The following GMDS variants were observed in gnomAD, a reference collection of about 807,000 sequenced individuals.
GMDS encodes GDP-mannose 4,6 dehydratase.
In GMDS, 20 loss-of-function variants were observed where a neutral mutation model predicts 49.9. The ratio of observed to expected loss-of-function variants is 0.40; its 90% CI spans 0.28 to 0.58. The LOEUF (loss-of-function observed/expected upper bound fraction) is 0.58. GMDS is among the 20% of genes least tolerant of loss of function. The pLI, the probability that GMDS is intolerant of heterozygous loss-of-function variation, is 0.42. For synonymous variants in GMDS, 177 were observed against 178.6 expected (o/e 0.99, Z 0.07); for missense variants, 362 against 481.4 (o/e 0.75, Z 2.32).
intron 3 of GMDS, 117 bp downstream of exon 3, chr6:2,117,348 GGTAA>G: frequency 4.4e-6 from 3 of 687,342 alleles, no homozygotes; most frequent in South Asian, 1.7e-5. Flanking sequence ...GTAATTCATG[GGTAA>G]GTAATTGTGA....
intron 6 of GMDS, among the ~76,000 whole-genome samples, chr6:1,932,712 T>C (rs1021966031): frequency 6.6e-6 from 1 of 152,006 alleles, no homozygotes; most frequent in Non-Finnish European, 1.5e-5. Context: ...TAATTTTTTG[T>C]ATTTTTTAGT....
At chr6:1,975,823 A>G (rs1177374373) in intron 4 of GMDS, among the ~76,000 whole-genome samples, 1 of 152,204 alleles carries the variant, frequency 6.6e-6, no homozygotes, top group African/African-American at 2.4e-5. Context: ...TCCTAAAGAC[A>G]CCAGGCTTTG....
chr6:1,932,599 G>A (rs1448692991), intron 6 of GMDS, among the ~76,000 whole-genome samples: 3 of 148,462 alleles, frequency 2.0e-5, no homozygotes, highest in South Asian at 2.1e-4. Context: ...GTGCAGTGGC[G>A]CGATCTCGGC....
At chr6:1,656,871 G>C (rs970678071) in intron 9 of GMDS, among the ~76,000 whole-genome samples, 2 of 152,122 alleles carry the variant, frequency 1.3e-5, no homozygotes, top group African/African-American at 4.8e-5. Context: ...GACTTTGTTG[G>C]AGAAGTGCTG....
At chr6:2,239,329 CAAAAA>C (rs60419938) in intron 1 of GMDS, among the ~76,000 whole-genome samples, 36 of 101,092 alleles carry the variant, frequency 3.6e-4, no homozygotes, top group Middle Eastern at 5.7e-3. Flanking sequence ...AGATCTGTCT[CAAAAA>C]AAAAAAAAAA....
At chr6:2,144,968 C>T (rs1021174747) in intron 1 of GMDS, among the ~76,000 whole-genome samples, 1 of 152,072 alleles carries the variant, frequency 6.6e-6, no homozygotes, top group African/African-American at 2.4e-5. Flanking sequence ...AAGGACTTTC[C>T]AAGCAAAGGG....
At chr6:1,878,189 C>T (rs1269653958) in intron 7 of GMDS, among the ~76,000 whole-genome samples, 2 of 151,902 alleles carry the variant, frequency 1.3e-5, no homozygotes, top group Non-Finnish European at 2.9e-5. Context: ...GTGGCGGGCA[C>T]CTGTAGTCCC....
intron 1 of GMDS, among the ~76,000 whole-genome samples, chr6:2,167,876 C>T (rs1777747546): frequency 6.6e-6 from 1 of 152,298 alleles, no homozygotes; most frequent in South Asian, 2.1e-4. Context: ...TCCTCTTGTA[C>T]CTTCAATGCC....
At chr6:1,821,611 GT>G (rs3039703) in intron 7 of GMDS, among the ~76,000 whole-genome samples, 21,215 of 106,206 alleles carry the variant, frequency 0.2, 1,352 homozygotes, top group Non-Finnish European at 0.23. Flanking sequence ...CAATTTATTT[GT>G]TTTTTTTTTT....
intron 7 of GMDS, among the ~76,000 whole-genome samples, chr6:1,879,928 C>T (rs1295687429): frequency 1.3e-5 from 2 of 152,058 alleles, no homozygotes; most frequent in Non-Finnish European, 2.9e-5. Context: ...GAACACATGA[C>T]CTCGTCTTAC....
chr6:2,158,975 A>C (rs1777245525), intron 1 of GMDS, among the ~76,000 whole-genome samples: 1 of 152,238 alleles, frequency 6.6e-6, no homozygotes, highest in African/African-American at 2.4e-5. Flanking sequence ...ACTGAACATT[A>C]GGTTGGGGTT....
chr6:2,077,613 T>A (rs140172937), intron 4 of GMDS, among the ~76,000 whole-genome samples: 1 of 152,278 alleles, frequency 6.6e-6, no homozygotes, highest in African/African-American at 2.4e-5. Flanking sequence ...GAACCATCCT[T>A]GTAGCCCTGG....
chr6:1,777,354 TA>T (rs1185410304), intron 7 of GMDS, among the ~76,000 whole-genome samples: 12 of 152,276 alleles, frequency 7.9e-5, no homozygotes, highest in African/African-American at 2.7e-4. Context: ...GGATGTGTGA[TA>T]TTTTTTTAAA....
intron 9 of GMDS, among the ~76,000 whole-genome samples, chr6:1,674,081 G>A (rs1364619460): frequency 6.6e-6 from 1 of 151,796 alleles, no homozygotes. Context: ...TGAAACCATC[G>A]TGCTATTTAT....
chr6:1,959,352 A>T (rs988393858), intron 6 of GMDS, among the ~76,000 whole-genome samples: 1 of 152,224 alleles, frequency 6.6e-6, no homozygotes. Context: ...TCAATTTTTT[A>T]AAATCTTGTT....
intron 9 of GMDS, among the ~76,000 whole-genome samples, chr6:1,701,010 G>A (rs9503007): frequency 0.088 from 13,339 of 152,206 alleles, 928 homozygotes; most frequent in East Asian, 0.31. Context: ...CCGCCGGGGT[G>A]ACAAACCAGG....
intron 1 of GMDS, among the ~76,000 whole-genome samples, chr6:2,226,429 G>C (rs924661929): frequency 6.6e-6 from 1 of 152,088 alleles, no homozygotes; most frequent in African/African-American, 2.4e-5. Context: ...CTAAATTTTC[G>C]CATTACTGTG....
chr6:1,871,775 A>G (rs554122673), intron 7 of GMDS, among the ~76,000 whole-genome samples: 1 of 152,346 alleles, frequency 6.6e-6, no homozygotes, highest in Non-Finnish European at 1.5e-5. Flanking sequence ...AAACGGCTCA[A>G]TTATTTTCCT....
intron 1 of GMDS, among the ~76,000 whole-genome samples, chr6:2,142,589 G>C (rs542399478): frequency 5.3e-5 from 8 of 152,230 alleles, no homozygotes; most frequent in African/African-American, 1.9e-4. Flanking sequence ...ACAGCCCTCA[G>C]AAGGAACCAA....
Sources: gnomAD v4.1 joint callset for allele counts (sites outside exome capture counted in the v4.1 genomes callset) on GRCh38, gnomAD v4.1.1 for gene constraint, MANE v1.5 for transcripts, NCBI Gene and HGNC (gene_info 2026-07-23, HGNC 2026-07-21) for gene names.